BTAF1: variants seen among roughly 807,000 people sequenced by gnomAD.
The protein encoded by BTAF1 is TATA-binding protein-associated factor 172.
BTAF1 carries 38 observed loss-of-function variants against 227.1 expected under a neutral mutation model. The observed-to-expected ratio is 0.17, with a 90% confidence interval of 0.13 to 0.22. The LOEUF is 0.22. Among genes scored for constraint, BTAF1 ranks in the 10% least tolerant of loss-of-function variants. The pLI is 1.00. For missense variants in BTAF1, 1,598 were observed against 2,204.0 expected (o/e 0.73, Z 5.51); for synonymous variants, 742 against 751.9 (o/e 0.99, Z 0.21).
chr10:91,963,844 T>C (rs937985608), intron 12 of BTAF1, among the ~76,000 whole-genome samples: 6 of 152,176 alleles, frequency 3.9e-5, no homozygotes, highest in African/African-American at 1.4e-4. Flanking sequence ...ATTATGAGTC[T>C]GGTCAGGCAG....
chr10:91,940,029 T>C lies in BTAF1; in HGVS notation c.216T>C (p.Asn72=). The change falls in exon 3 of 38, where the codon AAT becomes AAC. Residue 72 remains asparagine (N), a synonymous_variant. Coordinates refer to ENST00000265990, the MANE Select transcript of BTAF1 (RefSeq NM_003972.3). The stretch of plus-strand genomic sequence containing the variant: ...AAGCTGTTGAAGCTATAGTGAAAAA[T>C]GTACCTGAGTGGAATCCAGTGCCGA... ...AGQAVEAIVK[N]VPEWNPVPRT... 2 of 1,612,850 alleles carry C rather than the reference T, an allele frequency of 1.2e-6. No homozygotes were observed. The highest frequency in any genetic ancestry group is 1.7e-6 in the Non-Finnish European group (2 of 1,179,188).
chr10:91,970,726 A>G (rs996993935), intron 14 of BTAF1, among the ~76,000 whole-genome samples: 2 of 152,206 alleles, frequency 1.3e-5, no homozygotes, highest in African/African-American at 4.8e-5. Flanking sequence ...AGTTTACAGT[A>G]TGGTTGCTAT....
rs778054473 is a variant in BTAF1 at position 92,018,865 on chromosome 10, A to T, written c.4793A>T (p.Glu1598Val). The change falls in exon 34 of 38, where the codon GAA becomes GTA. Residue 1598 changes from glutamate to valine, a missense_variant. Transcript: ENST00000265990. ...PQHPEFKTTA[E>V]KLAVQNSSLH... is the part of the protein sequence containing the mutation. The stretch of plus-strand genomic sequence containing the variant: ...CATCCAGAATTCAAGACCACTGCCG[A>T]AAAACTGGCAGTTCAGAATTCTTCT... 1 of 1,611,316 alleles carries T rather than the reference A, an allele frequency of 6.2e-7. No individual in the cohort carries two copies. The highest frequency in any genetic ancestry group is 1.3e-5 in the African/African-American group (1 of 74,956).
intron 33 of BTAF1, 76 bp from the exon 34 acceptor site, chr10:92,018,707 T>G: frequency 7.9e-7 from 1 of 1,264,998 alleles, no homozygotes; most frequent in Non-Finnish European, 1.1e-6. Flanking sequence ...GGAAATAGCA[T>G]AGGGAAAGAT....
chr10:92,021,828 G>C (rs758601783), intron 34 of BTAF1, among the ~76,000 whole-genome samples: 3 of 152,132 alleles, frequency 2.0e-5, no homozygotes, highest in Non-Finnish European at 4.4e-5. Flanking sequence ...ACAGGTGTGA[G>C]CCACCGTGTC....
At chr10:91,985,539 T>C (rs1848345363) in intron 19 of BTAF1, among the ~76,000 whole-genome samples, 1 of 152,068 alleles carries the variant, frequency 6.6e-6, no homozygotes, top group Non-Finnish European at 1.5e-5. Context: ...TAGGTGTAGG[T>C]TTAGTTTTAG....
chr10:91,964,929 C>G (rs1184907977), intron 13 of BTAF1, among the ~76,000 whole-genome samples: 1 of 152,134 alleles, frequency 6.6e-6, no homozygotes, highest in African/African-American at 2.4e-5. Flanking sequence ...GAAAATTACT[C>G]TTCTTGTCCT....
At chr10:91,930,430 C>G (rs1844193279) in intron 1 of BTAF1, among the ~76,000 whole-genome samples, 1 of 152,170 alleles carries the variant, frequency 6.6e-6, no homozygotes, top group Admixed American at 6.5e-5. Context: ...TCTCCATTCT[C>G]ATGGAGTTTA....
At chr10:92,020,396 C>T (rs1851045482) in intron 34 of BTAF1, among the ~76,000 whole-genome samples, 1 of 152,172 alleles carries the variant, frequency 6.6e-6, no homozygotes, top group South Asian at 2.1e-4. Flanking sequence ...AATGTTAGCA[C>T]TATGCCATTT....
intron 14 of BTAF1, among the ~76,000 whole-genome samples, chr10:91,979,496 T>A (rs2133975162): frequency 6.6e-6 from 1 of 152,290 alleles, no homozygotes; most frequent in Admixed American, 6.5e-5. Flanking sequence ...GGTAGCTTTC[T>A]AACTTAAACA....
intron 3 of BTAF1, among the ~76,000 whole-genome samples, chr10:91,941,696 T>C (rs1845009334): frequency 6.6e-6 from 1 of 152,256 alleles, no homozygotes; most frequent in Admixed American, 6.5e-5. Flanking sequence ...CGAATATTTT[T>C]GTCTTCTAAC....
At chr10:91,936,376 G>C (rs1344653299) in intron 2 of BTAF1, among the ~76,000 whole-genome samples, 1 of 152,162 alleles carries the variant, frequency 6.6e-6, no homozygotes, top group African/African-American at 2.4e-5. Flanking sequence ...TAGGAGGAGG[G>C]GAGTTGGGGA....
At chr10:91,964,609 T>G (rs1846749779) in intron 13 of BTAF1, among the ~76,000 whole-genome samples, 2 of 152,330 alleles carry the variant, frequency 1.3e-5, no homozygotes, top group Middle Eastern at 6.8e-3. Context: ...ACTTTTTTTT[T>G]GTAATGTTCA....
chr10:91,948,233 C>T (rs1265766817), intron 4 of BTAF1, among the ~76,000 whole-genome samples: 1 of 150,636 alleles, frequency 6.6e-6, no homozygotes, highest in East Asian at 1.9e-4. Context: ...TGTTCAGTTC[C>T]CACCTATGAG....
At chr10:91,947,735 CAAAAAAAAAAAA>C (rs34292341) in intron 4 of BTAF1, among the ~76,000 whole-genome samples, 1 of 107,388 alleles carries the variant, frequency 9.3e-6, no homozygotes, top group African/African-American at 3.9e-5. Flanking sequence ...TCAATGTTTG[CAAAAAAAAAAAA>C]AAAAAAAAAA....
Position 92,030,306 on chromosome 10 carries a change from A to G in BTAF1, c.*1373A>G, listed in dbSNP as rs1316944125. ...CCTAGCATTCCACAAGAGAATAAAT[A>G]TAAGATTGAAACTGTAAAATATATG... On this transcript the variant is annotated 3_prime_UTR_variant, in exon 38 of 38. Coordinates refer to ENST00000265990, the MANE Select transcript of BTAF1 (RefSeq NM_003972.3). The G allele has an allele frequency of 6.6e-6, 1 of 152,590 alleles. No individual in the cohort carries two copies. Among genetic ancestry groups the G allele is most frequent in the African/African-American group, 2.4e-5 (1 of 41,472 alleles). 9.5% of individuals were successfully genotyped at this position (152,590 alleles called of 1,614,324 possible). A position where few individuals can be genotyped will look rare whatever the true frequency, so the allele number is the denominator to read the frequency against.
At chr10:91,964,843 C>T (rs562487678) in intron 13 of BTAF1, among the ~76,000 whole-genome samples, 2 of 152,040 alleles carry the variant, frequency 1.3e-5, no homozygotes, top group South Asian at 4.2e-4. Flanking sequence ...GATAAGTGTC[C>T]TTAGAGATAG....
rs1227689596 is a variant in BTAF1 at position 92,008,183 on chromosome 10, C to A, written c.3721C>A (p.Arg1241=). The A allele has an allele frequency of 6.2e-7, 1 of 1,603,266 alleles. No homozygotes were observed. Among genetic ancestry groups the A allele is most frequent in the Admixed American group, 1.8e-5 (1 of 56,472 alleles). The stretch of plus-strand genomic sequence containing the variant: ...ATTAATCCAATTGAAAGCCAAGGAG[C>A]GACACTTTTTGGAGCAATTGTTAGA... ...AELIQLKAKE[R]HFLEQLLDGK... is the part of the protein sequence containing the mutation. Residue 1241 remains arginine (R), a synonymous_variant, in exon 26 of 38, where the codon CGA becomes AGA. Coordinates refer to ENST00000265990, the MANE Select transcript of BTAF1 (RefSeq NM_003972.3).
rs759169124 is a variant in BTAF1, at chr10:92,030,872, A to G, written c.*1939A>G. ...CTTTTCCATAGAAAGGAAAACATGT[A>G]AACAGGTAAGAACTAAGTATTCTTA... On this transcript the variant is annotated 3_prime_UTR_variant, in exon 38 of 38. Coordinates refer to ENST00000265990, the MANE Select transcript of BTAF1 (RefSeq NM_003972.3). Among the ~76,000 whole-genome samples the G allele has an allele frequency of 1.3e-5, 2 of 152,194 alleles. No homozygotes were observed. The highest frequency in any genetic ancestry group is 2.9e-5 in the Non-Finnish European group (2 of 68,012).
Sources: allele counts gnomAD v4.1 joint callset (sites outside exome capture counted in the v4.1 genomes callset), GRCh38; gene constraint gnomAD v4.1.1; transcripts MANE v1.5; gene names NCBI Gene and HGNC (gene_info 2026-07-23, HGNC 2026-07-21).